The following SAFB variants were observed in gnomAD, a reference collection of about 807,000 sequenced individuals.
SAFB encodes scaffold attachment factor B, also known as scaffold attachment factor B1.
Under a neutral mutation model 101.6 loss-of-function variants are expected in SAFB, and 15 were observed. That is an observed-to-expected ratio of 0.15 (90% CI 0.10 to 0.23). The LOEUF (loss-of-function observed/expected upper bound fraction) is 0.23, where lower values mean the gene tolerates loss of function less well. Among genes scored for constraint, SAFB ranks in the 10% least tolerant of loss-of-function variants. The pLI, the probability that SAFB is intolerant of heterozygous loss-of-function variation, is 1.00. For missense variants in SAFB, 930 were observed against 1,104.1 expected (o/e 0.84, Z 2.23); for synonymous variants, 449 against 407.5 (o/e 1.10, Z -1.23).
At chr19:5,635,409 A>G (rs971139235) in intron 2 of SAFB, among the ~76,000 whole-genome samples, 1 of 152,124 alleles carries the variant, frequency 6.6e-6, no homozygotes, top group South Asian at 2.1e-4. Flanking sequence ...TATGTATCAT[A>G]TAATGTATGT....
rs1255424591 is a variant in SAFB, at chr19:5,667,842, T to A, written c.2580T>A (p.Gly860=). Residue 860 remains glycine (G), a synonymous_variant, in exon 20 of 21, where the codon GGT becomes GGA. Transcript: ENST00000588852. The surrounding 1 kb of genome is among the most constrained non-coding windows in gnomAD (Gnocchi z 4.0). ...CAGGTGGCGAGAGAAGCATGTCCGG[T>A]CACTCCGGGCCTGGCCACATGATGA... ...RWQGGERSMS[G]HSGPGHMMNR... The A allele has an allele frequency of 6.2e-7, 1 of 1,613,820 alleles. No homozygotes were observed. The highest frequency in any genetic ancestry group is 8.5e-7 in the Non-Finnish European group (1 of 1,179,824).
chr19:5,642,086 T>TCA, intron 4 of SAFB, 140 bp downstream of exon 4: 1 of 737,324 alleles, frequency 1.4e-6, no homozygotes, highest in Non-Finnish European at 2.4e-6. Context: ...GTTCAGATGA[T>TCA]TCTGAACCAA....
chr19:5,648,066 C>A (rs747825352), intron 6 of SAFB, 23 bp downstream of exon 6: 2 of 1,598,874 alleles, frequency 1.3e-6, no homozygotes, highest in Non-Finnish European at 8.5e-7. Flanking sequence ...GAAAAACTTA[C>A]CAGCGGGGGT....
chr19:5,634,994 C>A (rs963191025), intron 2 of SAFB, among the ~76,000 whole-genome samples: 3 of 151,940 alleles, frequency 2.0e-5, no homozygotes, highest in Non-Finnish European at 4.4e-5. Flanking sequence ...CAAAATTAAC[C>A]GGGTGTGGTG....
chr19:5,641,527 C>T, intron 2 of SAFB, 67 bp from the exon 3 acceptor site: 2 of 1,297,696 alleles, frequency 1.5e-6, no homozygotes, highest in Non-Finnish European at 2.2e-6. Context: ...GTGTAGTGCT[C>T]AGGGCATTGT....
chr19:5,649,763 A>C, intron 7 of SAFB, 163 bp from the exon 8 acceptor site: 3 of 810,244 alleles, frequency 3.7e-6, no homozygotes, highest in Admixed American at 2.6e-5. Context: ...TGTGGGTCTG[A>C]AATCTTATGG....
At chr19:5,653,715 G>A (rs994644135) in intron 11 of SAFB, among the ~76,000 whole-genome samples, 15 of 149,828 alleles carry the variant, frequency 1.0e-4, no homozygotes, top group Non-Finnish European at 1.6e-4. Flanking sequence ...CGCCTGCCTC[G>A]GCCTCCCAAA....
At position 5,628,080 on chromosome 19, in the gene SAFB, G is replaced by A. The variant is rs988553541; in HGVS notation, c.274+1591G>A. Reference sequence around the variant, plus strand: ...AGCCTGGCCAACATGATGAAACCCCGTCTCTACTAAAAATATAAAAATTAG... The same window carrying A: ...AGCCTGGCCAACATGATGAAACCCCATCTCTACTAAAAATATAAAAATTAG... On this transcript the variant is annotated intron_variant, in intron 2 of 20. Coordinates refer to ENST00000588852, the MANE Select transcript of SAFB (RefSeq NM_001201338.2). Among the ~76,000 whole-genome samples, 39 of 152,132 alleles carry A rather than the reference G, an allele frequency of 2.6e-4. 1 individual carries two copies. The highest frequency in any genetic ancestry group is 6.8e-3 in the Middle Eastern group (2 of 294).
chr19:5,667,814 T>G lies in SAFB; in HGVS notation c.2558-6T>G. The G allele has an allele frequency of 6.2e-7, 1 of 1,614,084 alleles. No individual in the cohort carries two copies. The highest frequency in any genetic ancestry group is 8.5e-7 in the Non-Finnish European group (1 of 1,179,940). ...TTCCCTGTGTGAAAGCACGTCTGTC[T>G]TCCAGGTGGCGAGAGAAGCATGTCC... is the stretch of plus-strand genomic sequence containing the variant. On this transcript the variant is annotated splice_region_variant and splice_polypyrimidine_tract_variant and intron_variant, in intron 19 of 20. Transcript: ENST00000588852. This position sits in a 1 kb window ranked among gnomAD's most constrained non-coding sequence, Gnocchi z 4.0.
intron 14 of SAFB, among the ~76,000 whole-genome samples, chr19:5,658,921 C>T (rs1422981724): frequency 2.0e-5 from 3 of 151,858 alleles, no homozygotes; most frequent in African/African-American, 7.3e-5. Context: ...CCGAGGTGGG[C>T]GGATCACAAG....
intron 2 of SAFB, among the ~76,000 whole-genome samples, chr19:5,636,594 A>G (rs1019522910): frequency 6.6e-6 from 1 of 152,200 alleles, no homozygotes; most frequent in Non-Finnish European, 1.5e-5. Context: ...AACGTCAATT[A>G]CAGTACAAAT....
Position 5,661,824 on chromosome 19 carries a change from C to T in SAFB, c.2153+16C>T, listed in dbSNP as rs761270710. ...ACCTGGACCGGTAAGCAGATCCATG[C>T]TGCCCTTAGCACGTGGCGTTCAGAA... On this transcript the variant is annotated intron_variant, in intron 15 of 20. Coordinates refer to ENST00000588852, the MANE Select transcript of SAFB (RefSeq NM_001201338.2). 1.3e-6 allele frequency: 2 copies of T among 1,506,540 alleles called. No homozygotes were observed. The highest frequency in any genetic ancestry group is 2.5e-5 in the South Asian group (2 of 80,834). 93.3% of individuals were successfully genotyped at this position (1,506,540 alleles called of 1,614,324 possible). A position where few individuals can be genotyped will look rare whatever the true frequency, so the allele number is the denominator to read the frequency against.
chr19:5,642,496 C>T (rs1018024520), intron 4 of SAFB, among the ~76,000 whole-genome samples: 6 of 151,872 alleles, frequency 4.0e-5, no homozygotes, highest in African/African-American at 1.5e-4. Flanking sequence ...CCAGTTGATA[C>T]CTATCTTAAG....
At chr19:5,625,323 C>T (rs1336441634) in intron 1 of SAFB, among the ~76,000 whole-genome samples, 5 of 152,138 alleles carry the variant, frequency 3.3e-5, no homozygotes, top group Admixed American at 6.6e-5. Flanking sequence ...TGCCTGTCCC[C>T]GGGAAAAGGG....
intron 2 of SAFB, among the ~76,000 whole-genome samples, chr19:5,636,235 G>C (rs1032588949): frequency 1.2e-4 from 18 of 151,978 alleles, no homozygotes; most frequent in Non-Finnish European, 2.4e-4. Flanking sequence ...CCGTATGGAG[G>C]GCAGCAAGTT....
chr19:5,655,254 T>C (rs2054030024), intron 13 of SAFB, among the ~76,000 whole-genome samples: 3 of 152,004 alleles, frequency 2.0e-5, no homozygotes, highest in Admixed American at 2.0e-4. Context: ...GCCCAGGAGA[T>C]GGATACCACC....
intron 2 of SAFB, among the ~76,000 whole-genome samples, chr19:5,639,705 AAAG>A (rs1412592209): frequency 3.3e-5 from 5 of 152,070 alleles, no homozygotes; most frequent in Non-Finnish European, 5.9e-5. Context: ...AAAAAAAAAA[AAAG>A]AACAGTGAAG....
At chr19:5,664,486 G>A (rs775024353) in intron 17 of SAFB, 47 bp downstream of exon 17, 1 of 1,477,106 alleles carries the variant, frequency 6.8e-7, no homozygotes, top group Non-Finnish European at 9.5e-7. Flanking sequence ...CCATAGAATG[G>A]GTTCTTTTCC....
intron 2 of SAFB, among the ~76,000 whole-genome samples, chr19:5,628,138 C>CT (rs1195758067): frequency 3.3e-5 from 5 of 152,208 alleles, no homozygotes; most frequent in African/African-American, 1.2e-4. Flanking sequence ...GTAATCCCAG[C>CT]TACTCAGGAG....
Sources: gnomAD v4.1 joint callset for allele counts (sites outside exome capture counted in the v4.1 genomes callset) on GRCh38, gnomAD v4.1.1 for gene constraint, Gnocchi (gnomAD v3.1) non-coding constraint, MANE v1.5 for transcripts, NCBI Gene and HGNC (gene_info 2026-07-23, HGNC 2026-07-21) for gene names.